The following SNAI3 variants were observed in gnomAD, a reference collection of about 807,000 sequenced individuals.
SNAI3 encodes snail family transcriptional repressor 3.
In SNAI3, 21 loss-of-function variants were observed where a neutral mutation model predicts 16.4. The observed-to-expected ratio is 1.28, with a 90% confidence interval of 0.91 to 1.85. The LOEUF is 1.85. Among genes scored for constraint, SNAI3 ranks in the 40% most tolerant of loss-of-function variants. The pLI is 0.00. For synonymous variants in SNAI3, 202 were observed against 166.6 expected (o/e 1.21, Z -1.64); for missense variants, 457 against 372.8 (o/e 1.23, Z -1.86).
chr16:88,678,944 G>C, intron 2 of SNAI3: 1 of 985,412 alleles, frequency 1.0e-6, no homozygotes, highest in Non-Finnish European at 1.2e-6. Context: ...CAGGCAAGTG[G>C]GGGGGTCTGG....
chr16:88,680,209 A>G (rs1909118155), intron 2 of SNAI3, among the ~76,000 whole-genome samples: 1 of 150,384 alleles, frequency 6.6e-6, no homozygotes, highest in South Asian at 2.1e-4. Flanking sequence ...AAGCCCGGGC[A>G]GAGGCTGCTG....
chr16:88,679,307 T>C (rs1406247261), intron 2 of SNAI3, among the ~76,000 whole-genome samples: 1 of 151,744 alleles, frequency 6.6e-6, no homozygotes, highest in African/African-American at 2.4e-5. Flanking sequence ...GGAAAGGGGG[T>C]GTGTGGGGGG....
chr16:88,681,876 C>T lies in SNAI3; in HGVS notation c.77-162G>A, dbSNP rs750550236. Reference sequence around the variant, plus strand: ...CAGACCCAGCTTGCAAGGGAGCTGGCGGTGCTGTGCAGGGAAGTGACAGCG... The same window carrying T: ...CAGACCCAGCTTGCAAGGGAGCTGGTGGTGCTGTGCAGGGAAGTGACAGCG... On this transcript the variant is annotated intron_variant, in intron 1 of 2. Coordinates refer to ENST00000332281, the MANE Select transcript of SNAI3 (RefSeq NM_178310.4). The surrounding 1 kb of genome is among the most constrained non-coding windows in gnomAD (Gnocchi z 5.4). Among the ~76,000 whole-genome samples the T allele has an allele frequency of 6.6e-6, 1 of 152,166 alleles. No homozygotes were observed. Among genetic ancestry groups the T allele is most frequent in the South Asian group, 2.1e-4 (1 of 4,824 alleles).
In SNAI3 at chr16:88,686,416, C is replaced by T. The variant is rs1909365707; in HGVS notation, c.-10G>A. The T allele has an allele frequency of 6.2e-7, 1 of 1,609,130 alleles. No individual in the cohort carries two copies. Among genetic ancestry groups the T allele is most frequent in the Non-Finnish European group, 8.5e-7 (1 of 1,179,066 alleles). The stretch of plus-strand genomic sequence containing the variant: ...GGAAGGAGCGCGGCATGTTCCCCTC[C>T]CGGGCGGCAGGCCGGGGTGGGCTGG... On this transcript the variant is annotated 5_prime_UTR_variant, in exon 1 of 3. Transcript: ENST00000332281.
At chr16:88,680,743 C>T (rs527702262) in intron 2 of SNAI3, among the ~76,000 whole-genome samples, 96 of 152,040 alleles carry the variant, frequency 6.3e-4, no homozygotes, top group Non-Finnish European at 1.0e-3. Context: ...GGCCTACCAG[C>T]ACGTGCCACC....
At chr16:88,683,685 T>C (rs531281397) in intron 1 of SNAI3, among the ~76,000 whole-genome samples, 24 of 151,634 alleles carry the variant, frequency 1.6e-4, no homozygotes, top group African/African-American at 5.1e-4. Context: ...AGCCTCCTGA[T>C]AGCTGGGATT....
chr16:88,678,770 G>T (rs1909063700), intron 2 of SNAI3, 141 bp from the exon 3 acceptor site: 4 of 1,436,898 alleles, frequency 2.8e-6, no homozygotes, highest in African/African-American at 2.9e-5. Context: ...GCTGTGTGGG[G>T]ACGGGGTGGC....
At chr16:88,680,625 G>A (rs74431422) in intron 2 of SNAI3, among the ~76,000 whole-genome samples, 2,631 of 151,550 alleles carry the variant, frequency 0.017, 79 homozygotes, top group African/African-American at 0.06. Context: ...TTGAGTTGGG[G>A]TCTCACTCTG....
At chr16:88,684,496 T>G (rs1909288613) in intron 1 of SNAI3, among the ~76,000 whole-genome samples, 1 of 151,994 alleles carries the variant, frequency 6.6e-6, no homozygotes, top group Non-Finnish European at 1.5e-5. Flanking sequence ...AAGACACTGT[T>G]TTGTTTTGTT....
intron 1 of SNAI3, chr16:88,685,893 T>G (rs1224532321): frequency 6.0e-6 from 1 of 165,854 alleles, no homozygotes; most frequent in African/African-American, 2.4e-5. Flanking sequence ...GTCAGCATGC[T>G]CCGGGGGTCC....
intron 1 of SNAI3, among the ~76,000 whole-genome samples, chr16:88,683,524 G>C (rs1051944791): frequency 6.7e-6 from 1 of 148,692 alleles, no homozygotes; most frequent in Non-Finnish European, 1.5e-5. Flanking sequence ...AAAGTACTGG[G>C]ATTACAGGCA....
intron 2 of SNAI3, among the ~76,000 whole-genome samples, chr16:88,680,085 CA>C (rs10540733): frequency 0.6 from 75,362 of 124,832 alleles, 22,216 homozygotes; most frequent in East Asian, 0.71. Flanking sequence ...TGCCTCAGAC[CA>C]AAAAAAAAAA....
In SNAI3 at chr16:88,681,431, C is replaced by G. The variant is rs1227633900; in HGVS notation, c.360G>C (p.Leu120=). 5 of 1,606,290 alleles carry G rather than the reference C, an allele frequency of 3.1e-6. No homozygotes were observed. The highest frequency in any genetic ancestry group is 4.3e-6 in the Non-Finnish European group (5 of 1,174,354). ...CCAAGGTCGGGGACCACCGTGTGGGCAGCACCAGCAGTGGGGGCAGGTTGA... is the reference window on the plus strand; with the variant it reads ...CCAAGGTCGGGGACCACCGTGTGGGGAGCACCAGCAGTGGGGGCAGGTTGA... The part of the protein sequence containing the change: ...NHLNLPPLLV[L]PTRWSPTLGP... The change falls in exon 2 of 3, where the codon CTG becomes CTC. Residue 120 remains leucine, a synonymous_variant. Coordinates refer to ENST00000332281, the MANE Select transcript of SNAI3 (RefSeq NM_178310.4). The surrounding 1 kb of genome is among the most constrained non-coding windows in gnomAD (Gnocchi z 5.4).
chr16:88,679,082 T>A (rs978449972), intron 2 of SNAI3: 2 of 985,236 alleles, frequency 2.0e-6, no homozygotes, highest in Non-Finnish European at 2.4e-6. Context: ...GCCCAACACC[T>A]GTAAAGGGAA....
intron 1 of SNAI3, among the ~76,000 whole-genome samples, chr16:88,683,617 G>GTA: frequency 6.9e-6 from 1 of 143,928 alleles, no homozygotes; most frequent in Non-Finnish European, 1.5e-5. Flanking sequence ...GAGTGCAATG[G>GTA]CGTGATCTCA....
chr16:88,685,811 A>C (rs1476103762), intron 1 of SNAI3: 1 of 153,288 alleles, frequency 6.5e-6, no homozygotes. Flanking sequence ...AACTGAATGC[A>C]GGAGGGGCAG....
chr16:88,680,366 A>G (rs1909125670), intron 2 of SNAI3, among the ~76,000 whole-genome samples: 1 of 129,494 alleles, frequency 7.7e-6, no homozygotes, highest in Non-Finnish European at 1.5e-5. Context: ...GCTCACCGCA[A>G]CCTCCACCTC....
At chr16:88,682,358 G>T (rs1315972352) in intron 1 of SNAI3, among the ~76,000 whole-genome samples, 1 of 152,236 alleles carries the variant, frequency 6.6e-6, no homozygotes, top group Non-Finnish European at 1.5e-5. Context: ...CTCTGGCCTG[G>T]GCTTTCAGAA....
In SNAI3 at chr16:88,679,775, A is replaced by AAGAAAAG. The variant is rs1555545689; in HGVS notation, c.698-1147_698-1146insCTTTTCT. On this transcript the variant is annotated intron_variant, in intron 2 of 2. Transcript: ENST00000332281. ...AGACTCTGTCTCAAAAAAAAAAAAA[A>AAGAAAAG]AAAAAAAGAAAAAGTGTGAACTAGC... 3.6e-4 allele frequency among the ~76,000 whole-genome samples: 38 copies of AAGAAAAG among 106,594 alleles called. 1 individual carries two copies. Among genetic ancestry groups the AAGAAAAG allele is most frequent in the Middle Eastern group, 6.2e-3 (1 of 162 alleles). 69.9% of individuals were successfully genotyped at this position (106,594 alleles called of 152,430 possible).
Sources: gnomAD v4.1 joint callset for allele counts (sites outside exome capture counted in the v4.1 genomes callset) on GRCh38, gnomAD v4.1.1 for gene constraint, Gnocchi (gnomAD v3.1) non-coding constraint, MANE v1.5 for transcripts, NCBI Gene and HGNC (gene_info 2026-07-23, HGNC 2026-07-21) for gene names.